The following PTPRS variants were observed in gnomAD, a reference collection of about 807,000 sequenced individuals.
PTPRS encodes the protein receptor-type tyrosine-protein phosphatase S.
A neutral mutation model predicts 215.3 loss-of-function variants in PTPRS; 63 were observed. The observed-to-expected ratio is 0.29, with a 90% confidence interval of 0.24 to 0.36. PTPRS has a LOEUF of 0.36. PTPRS is among the 10% of genes least tolerant of loss of function. The pLI, the probability that PTPRS is intolerant of heterozygous loss-of-function variation, is 1.00. For synonymous variants in PTPRS, 1,404 were observed against 1,191.4 expected, an observed-to-expected ratio of 1.18 and a Z score of -3.68; for missense variants, 2,258 against 2,825.8, an observed-to-expected ratio of 0.80 and a Z score of 4.56.
At chr19:5,285,534 T>C (rs2048275822) in intron 2 of PTPRS, among the ~76,000 whole-genome samples, 1 of 152,254 alleles carries the variant, frequency 6.6e-6, no homozygotes. Flanking sequence ...AATGCCCTTT[T>C]TCCCAAGAAG....
At chr19:5,279,333 G>T (rs1568553573) in intron 2 of PTPRS, among the ~76,000 whole-genome samples, 1 of 150,904 alleles carries the variant, frequency 6.6e-6, no homozygotes, top group East Asian at 1.9e-4. Flanking sequence ...AATTGAAGAA[G>T]TTATTTTTAT....
At position 5,244,823 on chromosome 19, in the gene PTPRS, C is replaced by T. The variant is rs915431155; in HGVS notation, c.989-341G>A. On this transcript the variant is annotated intron_variant, in intron 10 of 37. Coordinates refer to ENST00000262963, the MANE Select transcript of PTPRS (RefSeq NM_002850.4). This position sits in a 1 kb window ranked among gnomAD's most constrained non-coding sequence, Gnocchi z 7.2. ...TAGCTGGGACGACAGGCGCCTGCCACCACACTCAGCTAATTTTTTGTATTT... is the reference window on the plus strand; with the variant it reads ...TAGCTGGGACGACAGGCGCCTGCCATCACACTCAGCTAATTTTTTGTATTT... Among the ~76,000 whole-genome samples, 3 of 150,878 alleles carry T rather than the reference C, an allele frequency of 2.0e-5. No individual in the cohort carries two copies. Among genetic ancestry groups the T allele is most frequent in the African/African-American group, 7.4e-5 (3 of 40,574 alleles).
In PTPRS at chr19:5,221,243, T is replaced by C; in HGVS notation, c.3212A>G (p.Asn1071Ser). The C allele has an allele frequency of 3.7e-6, 6 of 1,612,858 alleles. No homozygotes were observed. The highest frequency in any genetic ancestry group is 1.1e-5 in the South Asian group (1 of 91,012). ...GCCATCCACATCCAGTGTGAGCCCA[T>C]TGTACTGGATCTGCGGACCAGGGCT... ...NSPTPYKIQY[N>S]GLTLDVDGRT... Residue 1071 changes from asparagine to serine, a missense_variant, in exon 20 of 38, where the codon AAT (asparagine) becomes AGT (serine). Asn to Ser is a conservative substitution (Grantham distance 46). Transcript: ENST00000262963.
chr19:5,268,371 C>CAATGTTT (rs982560203), intron 4 of PTPRS, among the ~76,000 whole-genome samples: 2 of 151,722 alleles, frequency 1.3e-5, no homozygotes, highest in African/African-American at 4.9e-5. Context: ...CTGGCGTAGA[C>CAATGTTT]AATGTTTCTG....
intron 2 of PTPRS, among the ~76,000 whole-genome samples, chr19:5,284,274 C>A (rs961875873): frequency 3.3e-5 from 5 of 151,740 alleles, no homozygotes; most frequent in African/African-American, 1.2e-4. Flanking sequence ...GCAGGAGGAT[C>A]GCTTGAATCT....
At chr19:5,260,657 G>A in intron 7 of PTPRS, 148 bp downstream of exon 7, 2 of 1,074,322 alleles carry the variant, frequency 1.9e-6, no homozygotes, top group Non-Finnish European at 2.8e-6. Flanking sequence ...CACAGACGCA[G>A]AGACCGGACT....
rs759167445 is a variant in PTPRS, at chr19:5,212,175, G to A, written c.4845C>T (p.Val1615=). Residue 1615 remains valine, a synonymous_variant, in exon 32 of 38, where the codon GTC becomes GTT. Transcript: ENST00000262963. ...MLERIKPEKT[V]DVYGHVTLMR... ...TGAGCGTCACGTGGCCATAGACATC[G>A]ACTGTCTTCTCTGGCTTGATCCGCT... The A allele has an allele frequency of 2.4e-5, 38 of 1,613,882 alleles. No homozygotes were observed. The highest frequency in any genetic ancestry group is 1.6e-4 in the Middle Eastern group (1 of 6,084).
intron 1 of PTPRS, among the ~76,000 whole-genome samples, chr19:5,325,915 C>T (rs1384951385): frequency 1.3e-5 from 2 of 152,212 alleles, no homozygotes; most frequent in Non-Finnish European, 2.9e-5. Flanking sequence ...CCAGGAGATG[C>T]CCCAAACAGT....
At chr19:5,243,431 C>A (rs572406440) in intron 11 of PTPRS, among the ~76,000 whole-genome samples, 3 of 152,002 alleles carry the variant, frequency 2.0e-5, no homozygotes, top group Non-Finnish European at 4.4e-5. Context: ...CCACCGCCTC[C>A]GGCCTAGCTC....
At chr19:5,229,391 G>C (rs1408951561) in intron 15 of PTPRS, 49 bp from the exon 16 acceptor site, 4 of 1,361,452 alleles carry the variant, frequency 2.9e-6, no homozygotes, top group Admixed American at 3.4e-5. Context: ...GGTGAGCGGG[G>C]GAGGCCAGAG....
At position 5,338,103 on chromosome 19, in the gene PTPRS, C is replaced by G. The variant is rs572886599; in HGVS notation, c.-95+2561G>C. Among the ~76,000 whole-genome samples the G allele has an allele frequency of 1.3e-5, 2 of 152,108 alleles. No homozygotes were observed. The highest frequency in any genetic ancestry group is 2.9e-5 in the Non-Finnish European group (2 of 68,010). On this transcript the variant is annotated intron_variant, in intron 1 of 37. Transcript: ENST00000262963. This position sits in a 1 kb window ranked among gnomAD's most constrained non-coding sequence, Gnocchi z 4.2. The stretch of plus-strand genomic sequence containing the variant: ...CCAAAATGACCTGTCACCCATCTCC[C>G]GCGGGGAGTGGGGAGCGGGCCAGTC...
chr19:5,246,027 C>G lies in PTPRS; in HGVS notation c.737G>C (p.Arg246Pro), dbSNP rs1207603443. The G allele has an allele frequency of 6.9e-7, 1 of 1,450,164 alleles. No homozygotes were observed. The allele number at this position is 1,450,164 out of a possible 1,614,324, so 89.8% of individuals were successfully genotyped here. A position where few individuals can be genotyped will look rare whatever the true frequency, so the allele number is the denominator to read the frequency against. Residue 246 changes from arginine (R) to proline (P), a missense_variant, in exon 10 of 38, where the codon CGC becomes CCC. By Grantham distance (103) the Arg-to-Pro change is moderately radical. Around this residue, in one of 6 missense-constraint regions of PTPRS, gnomAD observed 508 missense variants for 799.4 expected, o/e 0.64. Coordinates refer to ENST00000262963, the MANE Select transcript of PTPRS (RefSeq NM_002850.4). ...GTGGCTCATGGGCAGGATGGAGAAG[C>G]GCGGGGCCACGCGGCGGACTGGGGA... ...ELREVRRVAP[R>P]FSILPMSHEI...
intron 7 of PTPRS, among the ~76,000 whole-genome samples, chr19:5,260,562 G>C (rs921330183): frequency 6.6e-6 from 1 of 152,230 alleles, no homozygotes; most frequent in Non-Finnish European, 1.5e-5. Context: ...CTTCCCAGAG[G>C]GGGAGAGAGC....
At position 5,231,295 on chromosome 19, in the gene PTPRS, G is replaced by A. The variant is rs745338098; in HGVS notation, c.2155+15C>T. On this transcript the variant is annotated intron_variant, in intron 14 of 37. Coordinates refer to ENST00000262963, the MANE Select transcript of PTPRS (RefSeq NM_002850.4). ...GGGGCCTGCGGGGGGTCCCGGGCCT[G>A]GGGCAGGTACTTACCATCCTCGTCG... 2 of 1,588,548 alleles carry A rather than the reference G, an allele frequency of 1.3e-6. No individual in the cohort carries two copies. Among genetic ancestry groups the A allele is most frequent in the South Asian group, 1.1e-5 (1 of 90,060 alleles).
At chr19:5,219,188 C>T in intron 23 of PTPRS, 122 bp downstream of exon 23, 1 of 1,351,508 alleles carries the variant, frequency 7.4e-7, no homozygotes, top group African/African-American at 1.4e-5. Flanking sequence ...CCTCTCTGAA[C>T]TTCGGTTTCC....
At chr19:5,222,403 C>T (rs2042061098) in intron 18 of PTPRS, among the ~76,000 whole-genome samples, 183 bp from the exon 19 acceptor site, 1 of 149,080 alleles carries the variant, frequency 6.7e-6, no homozygotes, top group African/African-American at 2.5e-5. Flanking sequence ...TCCCAAGTCC[C>T]TGCTTCGGGA....
rs374861165 is a variant in PTPRS at position 5,223,215 on chromosome 19, C to T, written c.2577G>A (p.Ala859=). 4.2e-5 allele frequency: 63 copies of T among 1,510,246 alleles called. 1 individual carries two copies. The highest frequency in any genetic ancestry group is 3.3e-4 in the South Asian group (25 of 76,646). The allele number at this position is 1,510,246 out of a possible 1,614,324, so 93.6% of individuals were successfully genotyped here. The change falls in exon 18 of 38, where the codon GCG becomes GCA. Residue 859 remains alanine, a synonymous_variant. Transcript: ENST00000262963. ...GGCGGTAGCCCAGCACCTGGTCCTC[C>T]GCGGTGCCAGCCGGGGGCTCCCAGC... is the stretch of plus-strand genomic sequence containing the variant. ...LARWEPPAGT[A]EDQVLGYRLQ...
At chr19:5,240,404 T>C (rs2043931710) in intron 11 of PTPRS, 72 bp from the exon 12 acceptor site, 1 of 1,412,820 alleles carries the variant, frequency 7.1e-7, no homozygotes, top group Non-Finnish European at 9.4e-7. Flanking sequence ...ACCTGCTGAG[T>C]GTCCCCACTA....
At chr19:5,241,982 C>T (rs975613157) in intron 11 of PTPRS, among the ~76,000 whole-genome samples, 6 of 152,056 alleles carry the variant, frequency 3.9e-5, no homozygotes, top group Non-Finnish European at 8.8e-5. Context: ...ATTACAGACA[C>T]ACGCTATCAT....
Sources: gnomAD v4.1 joint callset for allele counts (sites outside exome capture counted in the v4.1 genomes callset) on GRCh38, gnomAD v4.1.1 for gene constraint, gnomAD v4.1.1 regional missense constraint, Gnocchi (gnomAD v3.1) non-coding constraint, MANE v1.5 for transcripts, NCBI Gene and HGNC (gene_info 2026-07-23, HGNC 2026-07-21) for gene names.